The following SBF2 variants were observed in gnomAD, a reference collection of about 807,000 sequenced individuals.
SBF2 encodes SET binding factor 2.
In SBF2, 112 loss-of-function variants were observed where a neutral mutation model predicts 225.2. The ratio of observed to expected loss-of-function variants is 0.50; its 90% CI spans 0.43 to 0.58. SBF2 has a LOEUF of 0.58. SBF2 is among the 20% of genes least tolerant of loss of function. The probability of loss-of-function intolerance (pLI) is 0.00; values close to 1 mark genes in which losing one functional copy is unlikely to be tolerated. For missense variants in SBF2, 1,996 were observed against 2,206.2 expected (o/e 0.90, Z 1.91); for synonymous variants, 763 against 773.3 (o/e 0.99, Z 0.22).
chr11:10,278,049 T>C lies in SBF2; in HGVS notation c.55+15966A>G, dbSNP rs1963104530. 2.6e-5 allele frequency among the ~76,000 whole-genome samples: 4 copies of C among 152,224 alleles called. 1 individual carries two copies. The South Asian group carries it at 8.3e-4, about 32-fold the overall frequency. On this transcript the variant is annotated intron_variant, in intron 1 of 39. Coordinates refer to ENST00000256190, the MANE Select transcript of SBF2 (RefSeq NM_030962.4). Reference sequence around the variant, plus strand: ...GAGAATTCTCTGTACTTCCCTGCAATAGTATTAATTTTCCCAAAAGACCCA... The same window carrying C: ...GAGAATTCTCTGTACTTCCCTGCAACAGTATTAATTTTCCCAAAAGACCCA...
intron 15 of SBF2, among the ~76,000 whole-genome samples, chr11:9,963,117 T>C (rs1340222310): frequency 6.6e-6 from 1 of 152,208 alleles, no homozygotes; most frequent in Non-Finnish European, 1.5e-5. Context: ...ACAGTTCCTA[T>C]AATTCATTAC....
chr11:10,054,501 A>G (rs1229454942), intron 2 of SBF2, among the ~76,000 whole-genome samples: 1 of 152,216 alleles, frequency 6.6e-6, no homozygotes, highest in Non-Finnish European at 1.5e-5. Context: ...TTTACATTTA[A>G]AAATTTCATG....
intron 2 of SBF2, among the ~76,000 whole-genome samples, chr11:10,150,714 A>G (rs1039870626): frequency 6.6e-6 from 1 of 152,130 alleles, no homozygotes; most frequent in African/African-American, 2.4e-5. Flanking sequence ...CTTAACATAA[A>G]TGTCCCACAT....
At chr11:10,244,877 T>C (rs1959615410) in intron 1 of SBF2, among the ~76,000 whole-genome samples, 1 of 152,112 alleles carries the variant, frequency 6.6e-6, no homozygotes, top group Non-Finnish European at 1.5e-5. Flanking sequence ...GGTGCATGCC[T>C]GTAATCCCAG....
intron 1 of SBF2, among the ~76,000 whole-genome samples, chr11:10,245,508 A>G (rs1959698348): frequency 2.0e-5 from 3 of 152,222 alleles, no homozygotes; most frequent in Non-Finnish European, 4.4e-5. Flanking sequence ...TAATGTTGGC[A>G]AGGATGTGGA....
chr11:9,888,824 C>A (rs1860555681), intron 17 of SBF2, among the ~76,000 whole-genome samples: 1 of 152,188 alleles, frequency 6.6e-6, no homozygotes, highest in East Asian at 1.9e-4. Flanking sequence ...CCTGTTCTGA[C>A]ATTTACTAGC....
intron 2 of SBF2, among the ~76,000 whole-genome samples, chr11:10,156,160 C>T (rs1230395729): frequency 1.3e-5 from 2 of 152,236 alleles, no homozygotes. Context: ...AGTGCCCACT[C>T]TGATTTCAGA....
In SBF2 at chr11:9,856,560, A is replaced by G. The variant is rs1857328955; in HGVS notation, c.2261T>C (p.Met754Thr). 1 of 1,614,102 alleles carries G rather than the reference A, an allele frequency of 6.2e-7. No homozygotes were observed. The highest frequency in any genetic ancestry group is 8.5e-7 in the Non-Finnish European group (1 of 1,180,016). The change falls in exon 19 of 40, where the codon ATG (methionine) becomes ACG (threonine). Residue 754 changes from methionine (M) to threonine (T), a missense_variant. Physicochemically the swap from Met to Thr is moderately conservative, Grantham distance 81 (BLOSUM62 -1). Coordinates refer to ENST00000256190, the MANE Select transcript of SBF2 (RefSeq NM_030962.4). ...FSQAIHFANLMVNLLVPLDTS... is the reference protein window; with the variant it reads ...FSQAIHFANLTVNLLVPLDTS... ...GTCGAGTGGAACTAGCAGGTTCACC[A>G]TGAGGTTTGCAAAGTGAATGGCCTG...
chr11:10,032,878 G>A (rs1029405095), intron 3 of SBF2, among the ~76,000 whole-genome samples: 1 of 152,114 alleles, frequency 6.6e-6, no homozygotes, highest in African/African-American at 2.4e-5. Context: ...TTTTATCAAG[G>A]GAAGTCTTTT....
At chr11:9,991,126 T>C (rs1475276206) in intron 12 of SBF2, among the ~76,000 whole-genome samples, 1 of 152,208 alleles carries the variant, frequency 6.6e-6, no homozygotes, top group Non-Finnish European at 1.5e-5. Context: ...AAATATTATG[T>C]TATGAATTAC....
At chr11:9,787,842 G>C in intron 35 of SBF2, 104 bp from the exon 36 acceptor site, 1 of 917,240 alleles carries the variant, frequency 1.1e-6, no homozygotes, top group South Asian at 1.4e-5. Context: ...AGCATGGCCA[G>C]AGGGCAGTTG....
chr11:10,054,895 G>GT lies in SBF2; in HGVS notation c.142-11915dup, dbSNP rs71904271. Among the ~76,000 whole-genome samples, 335 of 149,992 alleles carry GT rather than the reference G, an allele frequency of 2.2e-3. 2 individuals carry two copies. The highest frequency in any genetic ancestry group is 6.8e-3 in the African/African-American group (279 of 40,896). ...GCCCATTATTTTTATTTGTTTGCATGTTTTTTTTTTGTTTTTTTGTTTGTT... is the reference window on the plus strand; with the variant it reads ...GCCCATTATTTTTATTTGTTTGCATGTTTTTTTTTTTGTTTTTTTGTTTGTT... On this transcript the variant is annotated intron_variant, in intron 2 of 39. Coordinates refer to ENST00000256190, the MANE Select transcript of SBF2 (RefSeq NM_030962.4).
intron 2 of SBF2, among the ~76,000 whole-genome samples, chr11:10,086,636 A>G (rs1170565044): frequency 1.3e-5 from 2 of 152,150 alleles, no homozygotes; most frequent in African/African-American, 4.8e-5. Context: ...TTGTATTTCA[A>G]TTTCCTCCTT....
chr11:9,919,609 T>A (rs1294974069), intron 16 of SBF2, among the ~76,000 whole-genome samples: 1 of 152,148 alleles, frequency 6.6e-6, no homozygotes, highest in Non-Finnish European at 1.5e-5. Flanking sequence ...ACAGTGCTTT[T>A]CTATACAATG....
At chr11:9,813,419 C>G (rs1854299641) in intron 29 of SBF2, among the ~76,000 whole-genome samples, 1 of 152,072 alleles carries the variant, frequency 6.6e-6, no homozygotes, top group Non-Finnish European at 1.5e-5. Context: ...CCTCCGCTTC[C>G]CAGGTTCAAG....
At chr11:10,145,920 T>C (rs1373385804) in intron 2 of SBF2, among the ~76,000 whole-genome samples, 3 of 152,196 alleles carry the variant, frequency 2.0e-5, no homozygotes, top group East Asian at 1.9e-4. Context: ...AGCATTCCCA[T>C]ACACCAACAA....
intron 35 of SBF2, among the ~76,000 whole-genome samples, chr11:9,788,854 C>T (rs963899524): frequency 1.3e-5 from 2 of 151,860 alleles, no homozygotes; most frequent in African/African-American, 4.8e-5. Context: ...ATCTGCCCGC[C>T]TCAGCCTCCC....
chr11:10,184,718 T>C (rs1308123835), intron 2 of SBF2, among the ~76,000 whole-genome samples: 1 of 152,208 alleles, frequency 6.6e-6, no homozygotes, highest in Non-Finnish European at 1.5e-5. Context: ...TATTTTGTTT[T>C]GTTTTTTATT....
rs1851926862 is a variant in SBF2, at chr11:9,780,353, TTCTTTTTC to T, written c.*57_*64del. On this transcript the variant is annotated 3_prime_UTR_variant, in exon 40 of 40. Transcript: ENST00000256190. Reference sequence around the variant, plus strand: ...TTGTCAGCTCCTCAAGGATCCATGCTTCTTTTTCTATCTATCTGGCAGCATGAGTTCTT... The same window carrying T: ...TTGTCAGCTCCTCAAGGATCCATGCTTATCTATCTGGCAGCATGAGTTCTT... The T allele has an allele frequency of 7.1e-7, 1 of 1,408,204 alleles. No individual in the cohort carries two copies. The highest frequency in any genetic ancestry group is 1.7e-5 in the Admixed American group (1 of 57,652). 87.2% of individuals were successfully genotyped at this position (1,408,204 alleles called of 1,614,324 possible).
Sources: allele counts gnomAD v4.1 joint callset (sites outside exome capture counted in the v4.1 genomes callset), GRCh38; gene constraint gnomAD v4.1.1; transcripts MANE v1.5; gene names NCBI Gene and HGNC (gene_info 2026-07-23, HGNC 2026-07-21).